Variants in ASIC5 observed in about 807,000 individuals in gnomAD.
ASIC5 encodes bile acid-sensitive ion channel.
In ASIC5, 52 loss-of-function variants were observed where a neutral mutation model predicts 51.2. That is an observed-to-expected ratio of 1.02 (90% confidence interval 0.81 to 1.28). ASIC5 has a LOEUF of 1.28. Ranked by LOEUF, ASIC5 falls within the 50% of genes most tolerant of loss-of-function variation. The probability of loss-of-function intolerance (pLI) is 0.00; values close to 1 mark genes in which losing one functional copy is unlikely to be tolerated. For synonymous variants in ASIC5, 231 were observed against 200.7 expected (o/e 1.15, Z -1.28); for missense variants, 635 against 595.0 (o/e 1.07, Z -0.70).
At chr4:155,864,926 T>G (rs1741823372) in intron 1 of ASIC5, 1 of 152,110 alleles carries the variant, frequency 6.6e-6, no homozygotes, top group Non-Finnish European at 1.5e-5. Context: ...TTTATATCCT[T>G]TGCCAAAATA....
intron 7 of ASIC5, 40 bp downstream of exon 7, chr4:155,838,773 T>TA: frequency 7.7e-7 from 1 of 1,293,874 alleles, no homozygotes; most frequent in Non-Finnish European, 1.1e-6. Flanking sequence ...TGAGCAACTT[T>TA]AATATAAATC....
At chr4:155,830,147 A>T in intron 9 of ASIC5, 101 bp from the exon 10 acceptor site, 1 of 716,856 alleles carries the variant, frequency 1.4e-6, no homozygotes, top group South Asian at 2.3e-5. Context: ...CATAACTGAG[A>T]TGAAGATTGG....
At position 155,842,283 on chromosome 4, in the gene ASIC5, G is replaced by T; in HGVS notation, c.933C>A (p.Ser311Arg). Residue 311 changes from serine to arginine, a missense_variant, in exon 6 of 10, where the codon AGC becomes AGA. Physicochemically the swap from Ser to Arg is moderately radical, Grantham distance 110. Transcript: ENST00000537611. ...NIKLQNFSSY[S>R]TSGCLKECKA... ...TGCATTCCTTCAAGCAACCAGAAGTGCTGTAGCTGCTAAAATTCTGCAGCT... is the reference window on the plus strand; with the variant it reads ...TGCATTCCTTCAAGCAACCAGAAGTTCTGTAGCTGCTAAAATTCTGCAGCT... 6.2e-7 allele frequency: 1 copy of T among 1,613,438 alleles called. No homozygotes were observed. The highest frequency in any genetic ancestry group is 8.5e-7 in the Non-Finnish European group (1 of 1,179,576).
intron 6 of ASIC5, among the ~76,000 whole-genome samples, chr4:155,839,884 G>A (rs1196717052): frequency 6.6e-6 from 1 of 151,956 alleles, no homozygotes; most frequent in Non-Finnish European, 1.5e-5. Flanking sequence ...ACAAACAAAA[G>A]AACAATGAAA....
At chr4:155,865,088 A>G (rs1741827294) in intron 1 of ASIC5, 1 of 152,024 alleles carries the variant, frequency 6.6e-6, no homozygotes, top group Non-Finnish European at 1.5e-5. Flanking sequence ...ATATGCTATA[A>G]AAAGGTGTCT....
rs768203422 is a variant in ASIC5 at position 155,831,898 on chromosome 4, A to G, written c.1253T>C (p.Ile418Thr). 6.1e-5 allele frequency: 97 copies of G among 1,588,830 alleles called. 1 individual carries two copies. The South Asian group carries it at 1.0e-3, about 17-fold the overall frequency. The change falls in exon 9 of 10, where the codon ATT becomes ACT. Residue 418 changes from isoleucine (I) to threonine (T), a missense_variant. Coordinates refer to ENST00000537611, the MANE Select transcript of ASIC5 (RefSeq NM_017419.3). The stretch of plus-strand genomic sequence containing the variant: ...GTTTAGGTCACTATAGTTAATTTCA[A>G]TTTTTACAAGATTCTCCCTAGGGAT... ...RKYIRENLVK[I>T]EINYSDLNYK... is the part of the protein sequence containing the mutation.
chr4:155,846,119 A>T (rs1037776867), intron 4 of ASIC5, among the ~76,000 whole-genome samples: 3 of 132,244 alleles, frequency 2.3e-5, no homozygotes, highest in Admixed American at 7.1e-5. Context: ...AAAAGAAAAG[A>T]CAGTTCAAAT....
chr4:155,859,197 T>C (rs915392443), intron 2 of ASIC5, among the ~76,000 whole-genome samples: 30 of 152,190 alleles, frequency 2.0e-4, no homozygotes, highest in African/African-American at 6.7e-4. Flanking sequence ...TTTATTTTAC[T>C]TTCACAACTG....
chr4:155,860,599 T>G (rs1056237076), intron 2 of ASIC5, among the ~76,000 whole-genome samples: 1 of 151,928 alleles, frequency 6.6e-6, no homozygotes, highest in Non-Finnish European at 1.5e-5. Flanking sequence ...TGTCTTAATT[T>G]TTTGTTCCCT....
intron 8 of ASIC5, among the ~76,000 whole-genome samples, chr4:155,833,516 A>G (rs1353098515): frequency 6.6e-6 from 1 of 152,214 alleles, no homozygotes; most frequent in African/African-American, 2.4e-5. Flanking sequence ...AGAATGTACT[A>G]TGTTTAAGTA....
Position 155,842,284 on chromosome 4 carries a change from C to T in ASIC5, c.932G>A (p.Ser311Asn). 3 of 1,613,508 alleles carry T rather than the reference C, an allele frequency of 1.9e-6. No individual in the cohort carries two copies. The highest frequency in any genetic ancestry group is 1.7e-6 in the Non-Finnish European group (2 of 1,179,648). Residue 311 changes from serine (S) to asparagine (N), a missense_variant, in exon 6 of 10, where the codon AGC (serine) becomes AAC (asparagine). Physicochemically the swap from Ser to Asn is conservative, Grantham distance 46 (BLOSUM62 1). Coordinates refer to ENST00000537611, the MANE Select transcript of ASIC5 (RefSeq NM_017419.3). ...NIKLQNFSSYSTSGCLKECKA... is the reference protein window; with the variant it reads ...NIKLQNFSSYNTSGCLKECKA... ...GCATTCCTTCAAGCAACCAGAAGTG[C>T]TGTAGCTGCTAAAATTCTGCAGCTT...
At chr4:155,833,694 A>G (rs1740919426) in intron 8 of ASIC5, among the ~76,000 whole-genome samples, 1 of 152,198 alleles carries the variant, frequency 6.6e-6, no homozygotes, top group African/African-American at 2.4e-5. Flanking sequence ...TAATTTCCCA[A>G]GCACAACATT....
intron 8 of ASIC5, 147 bp downstream of exon 8, chr4:155,836,542 T>C: frequency 2.0e-6 from 1 of 512,284 alleles, no homozygotes; most frequent in Non-Finnish European, 3.5e-6. Context: ...ACTTTTAAAA[T>C]TCTATGGTTT....
intron 4 of ASIC5, among the ~76,000 whole-genome samples, chr4:155,850,034 C>T (rs1343040202): frequency 6.6e-6 from 1 of 151,824 alleles, no homozygotes; most frequent in Non-Finnish European, 1.5e-5. Context: ...TAGTAATAAA[C>T]CATCCTAACC....
At chr4:155,859,686 AC>A (rs1480062171) in intron 2 of ASIC5, among the ~76,000 whole-genome samples, 1 of 152,076 alleles carries the variant, frequency 6.6e-6, no homozygotes, top group East Asian at 1.9e-4. Flanking sequence ...TGGGCTTCAA[AC>A]TAGAATGTGC....
intron 8 of ASIC5, among the ~76,000 whole-genome samples, chr4:155,833,003 C>G (rs1027740880): frequency 3.9e-5 from 6 of 152,196 alleles, no homozygotes; most frequent in Non-Finnish European, 8.8e-5. Context: ...CTGCCACTCT[C>G]TCACAGCACT....
rs1210790771 is a variant in ASIC5, at chr4:155,836,813, A to G, written c.1111T>C (p.Ser371Pro). Residue 371 changes from serine to proline, a missense_variant, in exon 8 of 10, where the codon TCT becomes CCT. Ser to Pro is a moderately conservative substitution (Grantham distance 74). Coordinates refer to ENST00000537611, the MANE Select transcript of ASIC5 (RefSeq NM_017419.3). Reference protein sequence around the residue: ...KDLCTVGTHNSSCPVSCEEIE... With the variant: ...KDLCTVGTHNPSCPVSCEEIE... ...TCTTCACAAGAAACGGGGCAGCTAG[A>G]GTTATGTGTTCCTACTGTACATAAA... The G allele has an allele frequency of 6.2e-7, 1 of 1,610,204 alleles. No individual in the cohort carries two copies. The highest frequency in any genetic ancestry group is 8.5e-7 in the Non-Finnish European group (1 of 1,176,700).
chr4:155,844,256 T>C (rs534319156), intron 4 of ASIC5, among the ~76,000 whole-genome samples: 1 of 152,132 alleles, frequency 6.6e-6, no homozygotes, highest in Admixed American at 6.6e-5. Flanking sequence ...CAGGGATCCC[T>C]GATCTTCCAT....
At chr4:155,861,519 A>G (rs1741705096) in intron 2 of ASIC5, among the ~76,000 whole-genome samples, 1 of 151,952 alleles carries the variant, frequency 6.6e-6, no homozygotes, top group South Asian at 2.1e-4. Context: ...AGGTTGACAT[A>G]CCTTTTTCCA....
Sources: gnomAD v4.1 joint callset for allele counts (sites outside exome capture counted in the v4.1 genomes callset) on GRCh38, gnomAD v4.1.1 for gene constraint, MANE v1.5 for transcripts, NCBI Gene and HGNC (gene_info 2026-07-23, HGNC 2026-07-21) for gene names.